ITSN1: variants seen among roughly 807,000 people sequenced by gnomAD.
The protein encoded by ITSN1 is intersectin 1.
ITSN1 carries 58 observed loss-of-function variants against 239.8 expected under a neutral mutation model. That is an observed-to-expected ratio of 0.24 (90% CI 0.20 to 0.30). The LOEUF (loss-of-function observed/expected upper bound fraction) is 0.30, where lower values mean the gene tolerates loss of function less well. Among genes scored for constraint, ITSN1 ranks in the 10% least tolerant of loss-of-function variants. The pLI is 1.00. For missense variants in ITSN1, 1,558 were observed against 2,103.3 expected, an observed-to-expected ratio of 0.74 and a Z score of 5.07; for synonymous variants, 780 against 770.8, an observed-to-expected ratio of 1.01 and a Z score of -0.20.
intron 1 of ITSN1, among the ~76,000 whole-genome samples, chr21:33,655,847 T>C (rs879820626): frequency 1.6e-4 from 24 of 152,158 alleles, no homozygotes; most frequent in Admixed American, 1.5e-3. Context: ...GGTGATGTCA[T>C]GTATCAGGAA....
chr21:33,798,545 G>A (rs1387882573), intron 18 of ITSN1, among the ~76,000 whole-genome samples: 2 of 152,128 alleles, frequency 1.3e-5, no homozygotes, highest in African/African-American at 4.8e-5. Flanking sequence ...TTCTTGTGTG[G>A]TTGTGTGATT....
chr21:33,794,280 T>C lies in ITSN1; in HGVS notation c.1825-61T>C, dbSNP rs200191929. ...CCCACTATGAAATGTTGCATGCTGA[T>C]AAATAGTTGATGTACCTGTCACTCA... On this transcript the variant is annotated intron_variant, in intron 16 of 39. Coordinates refer to ENST00000381318, the MANE Select transcript of ITSN1 (RefSeq NM_003024.3). 3.9e-4 allele frequency: 487 copies of C among 1,253,300 alleles called. 4 individuals carry two copies. In the South Asian group the frequency reaches 5.9e-3, roughly 15 times the overall value. The allele number at this position is 1,253,300 out of a possible 1,614,324, so 77.6% of individuals were successfully genotyped here. A position where few individuals can be genotyped will look rare whatever the true frequency, so the allele number is the denominator to read the frequency against.
At chr21:33,659,519 A>T (rs1332723049) in intron 1 of ITSN1, among the ~76,000 whole-genome samples, 1 of 152,186 alleles carries the variant, frequency 6.6e-6, no homozygotes, top group East Asian at 1.9e-4. Flanking sequence ...GTCAGAATTG[A>T]AATGAATGGT....
At chr21:33,809,260 T>A (rs2072713486) in intron 20 of ITSN1, among the ~76,000 whole-genome samples, 1 of 152,240 alleles carries the variant, frequency 6.6e-6, no homozygotes, top group Non-Finnish European at 1.5e-5. Context: ...TATTGCATTT[T>A]ATACAAGGGA....
intron 33 of ITSN1, among the ~76,000 whole-genome samples, chr21:33,867,860 C>T (rs1426577466): frequency 6.6e-6 from 1 of 152,020 alleles, no homozygotes; most frequent in Non-Finnish European, 1.5e-5. Context: ...TGCAGACCTT[C>T]GCGGTGAGTG....
At chr21:33,859,443 GA>G (rs926649908) in intron 31 of ITSN1, among the ~76,000 whole-genome samples, 250 of 143,098 alleles carry the variant, frequency 1.7e-3, no homozygotes, top group East Asian at 2.8e-3. Flanking sequence ...CCAATTCTTA[GA>G]AAAAAAAAAA....
At chr21:33,659,415 G>A (rs925443943) in intron 1 of ITSN1, among the ~76,000 whole-genome samples, 60 of 152,134 alleles carry the variant, frequency 3.9e-4, no homozygotes, top group Non-Finnish European at 1.0e-4. Context: ...TAGTCAGCCT[G>A]GCAGAAGTGC....
intron 29 of ITSN1, chr21:33,837,454 A>G: frequency 4.1e-6 from 4 of 986,520 alleles, no homozygotes; most frequent in Non-Finnish European, 4.8e-6. Context: ...CCAAATGTCC[A>G]TAAATCTGAG....
chr21:33,808,601 C>G (rs1039020187), intron 20 of ITSN1, among the ~76,000 whole-genome samples: 2 of 151,124 alleles, frequency 1.3e-5, no homozygotes, highest in Non-Finnish European at 3.0e-5. Context: ...AAAAAAAAAG[C>G]TAACACTTTT....
Position 33,885,502 on chromosome 21 carries a change from T to G in ITSN1, c.4823T>G (p.Leu1608Trp). Residue 1608 changes from leucine (L) to tryptophan (W), a missense_variant, in exon 38 of 40, where the codon TTG (leucine) becomes TGG (tryptophan). Leu to Trp is a moderately conservative substitution (Grantham distance 61, BLOSUM62 -2). Coordinates refer to ENST00000381318, the MANE Select transcript of ITSN1 (RefSeq NM_003024.3). Reference protein sequence around the residue: ...LMVNVVEGIELKPCRSHGKSN... With the variant: ...LMVNVVEGIEWKPCRSHGKSN... The stretch of plus-strand genomic sequence containing the variant: ...GTGAACGTGGTTGAAGGCATCGAGT[T>G]GAAACCCTGTCGGTCACATGGTAAG... The G allele has an allele frequency of 6.2e-7, 1 of 1,614,116 alleles. No individual in the cohort carries two copies. The highest frequency in any genetic ancestry group is 8.5e-7 in the Non-Finnish European group (1 of 1,180,012).
chr21:33,658,216 A>G (rs894107250), intron 1 of ITSN1, among the ~76,000 whole-genome samples: 1 of 152,206 alleles, frequency 6.6e-6, no homozygotes, highest in Non-Finnish European at 1.5e-5. Context: ...TCATCATAAC[A>G]TTCTTCATCC....
At chr21:33,770,186 C>T (rs953205478) in intron 11 of ITSN1, among the ~76,000 whole-genome samples, 2 of 152,072 alleles carry the variant, frequency 1.3e-5, no homozygotes, top group African/African-American at 4.8e-5. Context: ...GCCTCAGCCT[C>T]CCGAGTAGCT....
chr21:33,733,016 C>T (rs1395048679), intron 4 of ITSN1, among the ~76,000 whole-genome samples: 1 of 152,124 alleles, frequency 6.6e-6, no homozygotes, highest in Non-Finnish European at 1.5e-5. Flanking sequence ...CTCCAAAAAT[C>T]CCCTTCTAAG....
rs755469594 is a variant in ITSN1, at chr21:33,875,404, C to T, written c.4224C>T (p.His1408=). The change falls in exon 34 of 40, where the codon CAC becomes CAT. Residue 1408 remains histidine, a synonymous_variant. Coordinates refer to ENST00000381318, the MANE Select transcript of ITSN1 (RefSeq NM_003024.3). The part of the protein sequence containing the change: ...ENHPDHSHLK[H]ALEKAEELCS... ...ACCCGGACCACAGCCACTTGAAGCA[C>T]GCCCTGGAGAAGGCGGAAGAGCTCT... 19 of 1,614,132 alleles carry T rather than the reference C, an allele frequency of 1.2e-5. No individual in the cohort carries two copies. Among genetic ancestry groups the T allele is most frequent in the East Asian group, 1.1e-4 (5 of 44,880 alleles).
rs527266066 is a variant in ITSN1, at chr21:33,758,616, T to A, written c.724+3219T>A. On this transcript the variant is annotated intron_variant, in intron 8 of 39. Coordinates refer to ENST00000381318, the MANE Select transcript of ITSN1 (RefSeq NM_003024.3). ...AGAACTCTGGTATTCCTGTTAATAA[T>A]GCTAGCCCTTCTTCTCAAAGAGGTA... 2.0e-5 allele frequency among the ~76,000 whole-genome samples: 3 copies of A among 152,360 alleles called. No individual in the cohort carries two copies. The South Asian group carries it at 6.2e-4, about 32-fold the overall frequency.
rs759414348 is a variant in ITSN1 at position 33,695,110 on chromosome 21, C to T, written c.-32-23687C>T. On this transcript the variant is annotated intron_variant, in intron 1 of 39. Transcript: ENST00000381318. ...GATTACAGGCGTGAGCCACCGTGCC[C>T]GGCCACTTTTTTCTACTCTTGATAT... Among the ~76,000 whole-genome samples the T allele has an allele frequency of 1.6e-4, 25 of 152,332 alleles. 1 individual carries two copies. Among genetic ancestry groups the T allele is most frequent in the Non-Finnish European group, 2.9e-4 (20 of 68,032 alleles).
rs1275528495 is a variant in ITSN1 at position 33,763,310 on chromosome 21, T to C, written c.788+1324T>C. ...TGTAGTTTCTTAATGGCTTAACTTT[T>C]GAAGAGTGCGTCACTGTGGGATTGT... On this transcript the variant is annotated intron_variant, in intron 9 of 39. Coordinates refer to ENST00000381318, the MANE Select transcript of ITSN1 (RefSeq NM_003024.3). 2.0e-5 allele frequency among the ~76,000 whole-genome samples: 3 copies of C among 151,992 alleles called. No homozygotes were observed. The East Asian group carries it at 5.8e-4, about 29-fold the overall frequency.
chr21:33,782,969 A>G (rs901319092), intron 16 of ITSN1, among the ~76,000 whole-genome samples: 10 of 152,062 alleles, frequency 6.6e-5, no homozygotes, highest in Admixed American at 1.3e-4. Context: ...AGCTTGCAGT[A>G]AGCCAAGATC....
At chr21:33,672,511 C>T (rs1334842505) in intron 1 of ITSN1, among the ~76,000 whole-genome samples, 1 of 152,136 alleles carries the variant, frequency 6.6e-6, no homozygotes, top group African/African-American at 2.4e-5. Flanking sequence ...AAAGGGAACG[C>T]TTGTACACTG....
Sources: gnomAD v4.1 joint callset for allele counts (sites outside exome capture counted in the v4.1 genomes callset) on GRCh38, gnomAD v4.1.1 for gene constraint, MANE v1.5 for transcripts, NCBI Gene and HGNC (gene_info 2026-07-23, HGNC 2026-07-21) for gene names.